SUMF1: variants seen among roughly 807,000 people sequenced by gnomAD.
The protein encoded by SUMF1 is formylglycine-generating enzyme.
SUMF1 carries 48 observed loss-of-function variants against 47.6 expected under a neutral mutation model. The ratio of observed to expected loss-of-function variants is 1.01; its 90% CI spans 0.80 to 1.28. The LOEUF is 1.28. Among genes scored for constraint, SUMF1 ranks in the 50% most tolerant of loss-of-function variants. The pLI, the probability that SUMF1 is intolerant of heterozygous loss-of-function variation, is 0.00. For missense variants in SUMF1, 571 were observed against 485.4 expected (o/e 1.18, Z -1.66); for synonymous variants, 230 against 192.1 (o/e 1.20, Z -1.63).
chr3:4,159,648 C>T (rs1559521552), intron 8 of SUMF1, among the ~76,000 whole-genome samples: 1 of 152,002 alleles, frequency 6.6e-6, no homozygotes, highest in East Asian at 1.9e-4. Flanking sequence ...AAGGTTTGTA[C>T]CTTCAGATGA....
At chr3:4,173,696 G>A (rs1694884699) in intron 8 of SUMF1, among the ~76,000 whole-genome samples, 1 of 152,134 alleles carries the variant, frequency 6.6e-6, no homozygotes, top group Admixed American at 6.5e-5. Context: ...ATACTATGCA[G>A]CCATAAGAAA....
chr3:4,300,337 T>C (rs1003094885), intron 8 of SUMF1, among the ~76,000 whole-genome samples: 4 of 152,202 alleles, frequency 2.6e-5, no homozygotes, highest in Non-Finnish European at 5.9e-5. Context: ...ATACTACCTG[T>C]ACAGCCTGCA....
Position 4,160,932 on chromosome 3 carries a change from C to A in SUMF1, c.1015-92187G>T, listed in dbSNP as rs149416829. ...GAAGAGTTATTTATTGTAGTCTTCA[C>A]AGTTTGGGCTTCACAGATGTACCCA... is the stretch of plus-strand genomic sequence containing the variant. On this transcript the variant is annotated intron_variant and NMD_transcript_variant, in intron 8 of 12. Coordinates refer to the SUMF1 transcript ENST00000448413. 1.6e-3 allele frequency among the ~76,000 whole-genome samples: 249 copies of A among 152,206 alleles called. 1 individual carries two copies. The Middle Eastern group carries it at 0.027, about 17-fold the overall frequency.
chr3:4,303,610 C>T (rs1417387394), intron 8 of SUMF1: 19 of 1,377,680 alleles, frequency 1.4e-5, no homozygotes, highest in Non-Finnish European at 1.7e-5. Context: ...GGGACGGCCT[C>T]CCAGTCGCGA....
chr3:4,416,277 T>C (rs1264367808), intron 6 of SUMF1, among the ~76,000 whole-genome samples: 1 of 152,118 alleles, frequency 6.6e-6, no homozygotes, highest in African/African-American at 2.4e-5. Context: ...CGTAGGTTAA[T>C]ATTTATGTAC....
intron 8 of SUMF1, among the ~76,000 whole-genome samples, chr3:4,163,937 G>A (rs1314866635): frequency 2.0e-5 from 3 of 152,086 alleles, no homozygotes; most frequent in South Asian, 2.1e-4. Context: ...AGCCTGTACT[G>A]AGAATCACCT....
intron 9 of SUMF1, among the ~76,000 whole-genome samples, chr3:4,046,330 A>T (rs536797695): frequency 1.8e-4 from 27 of 152,166 alleles, no homozygotes; most frequent in Middle Eastern, 3.4e-3. Context: ...TGATCACCAA[A>T]CTTTTCTTCT....
intron 8 of SUMF1, among the ~76,000 whole-genome samples, chr3:4,107,454 G>T (rs890275763): frequency 6.6e-6 from 1 of 152,124 alleles, no homozygotes; most frequent in Non-Finnish European, 1.5e-5. Context: ...TGACAAAGTT[G>T]AGACTGATAT....
intron 8 of SUMF1, among the ~76,000 whole-genome samples, chr3:4,132,329 T>A (rs1316530654): frequency 6.6e-6 from 1 of 152,082 alleles, no homozygotes; most frequent in African/African-American, 2.4e-5. Flanking sequence ...GGTCCTATCA[T>A]GTTCCCCATC....
intron 8 of SUMF1, among the ~76,000 whole-genome samples, chr3:4,100,341 C>T (rs189576236): frequency 6.6e-6 from 1 of 151,988 alleles, no homozygotes; most frequent in Non-Finnish European, 1.5e-5. Context: ...TAAAAACAGA[C>T]ACATCAACCA....
At chr3:4,305,144 G>A (rs1698139042) in intron 8 of SUMF1, among the ~76,000 whole-genome samples, 1 of 152,132 alleles carries the variant, frequency 6.6e-6, no homozygotes, top group Admixed American at 6.5e-5. Context: ...CTAGAGTGTG[G>A]TGGTGCGATC....
At chr3:4,036,343 G>A (rs371802659) in intron 9 of SUMF1, among the ~76,000 whole-genome samples, 1 of 152,064 alleles carries the variant, frequency 6.6e-6, no homozygotes, top group Non-Finnish European at 1.5e-5. Flanking sequence ...TTATTTTGAG[G>A]CTCTGCCTGG....
intron 1 of SUMF1, among the ~76,000 whole-genome samples, chr3:4,457,401 T>A (rs2079691992): frequency 6.6e-6 from 1 of 152,060 alleles, no homozygotes; most frequent in African/African-American, 2.4e-5. Context: ...AAAAAAATCC[T>A]AAAATTTGTA....
chr3:4,251,433 C>T (rs1696800081), intron 8 of SUMF1, among the ~76,000 whole-genome samples: 1 of 152,196 alleles, frequency 6.6e-6, no homozygotes, highest in Non-Finnish European at 1.5e-5. Flanking sequence ...TGTAATATTA[C>T]ATCAATTTAG....
chr3:4,072,133 A>G (rs1004384739), intron 8 of SUMF1, among the ~76,000 whole-genome samples: 3 of 152,140 alleles, frequency 2.0e-5, no homozygotes, highest in African/African-American at 7.2e-5. Flanking sequence ...AGCCTCCTTT[A>G]GTGATACCCA....
intron 8 of SUMF1, among the ~76,000 whole-genome samples, chr3:4,094,789 G>A (rs1393820031): frequency 1.3e-5 from 2 of 152,086 alleles, no homozygotes; most frequent in Non-Finnish European, 2.9e-5. Context: ...TAATGATACA[G>A]TTCTCCTTGG....
At position 4,168,074 on chromosome 3, in the gene SUMF1, C is replaced by A. The variant is rs115577707; in HGVS notation, c.1015-99329G>T. ...CTTGGGCACTTGGCACTGACCATTACCCAATACAGAGCCTCTATTTTCAGG... is the reference window on the plus strand; with the variant it reads ...CTTGGGCACTTGGCACTGACCATTAACCAATACAGAGCCTCTATTTTCAGG... On this transcript the variant is annotated intron_variant and NMD_transcript_variant, in intron 8 of 12. Transcript: ENST00000448413. Among the ~76,000 whole-genome samples the A allele has an allele frequency of 8.2e-3, 1,253 of 152,206 alleles. 23 individuals are homozygous for A. The highest frequency in any genetic ancestry group is 0.029 in the African/African-American group (1,201 of 41,506).
intron 8 of SUMF1, among the ~76,000 whole-genome samples, chr3:4,176,176 A>T (rs1005504242): frequency 2.0e-5 from 3 of 152,288 alleles, no homozygotes; most frequent in Admixed American, 6.5e-5. Context: ...CAAATTCAGG[A>T]AATACAGAGA....
chr3:4,379,509 C>A (rs1023387110), intron 7 of SUMF1, among the ~76,000 whole-genome samples: 1 of 152,158 alleles, frequency 6.6e-6, no homozygotes, highest in Non-Finnish European at 1.5e-5. Flanking sequence ...CAGCCAGCAC[C>A]TTGATTTCAG....
Sources: gnomAD v4.1 joint callset for allele counts (sites outside exome capture counted in the v4.1 genomes callset) on GRCh38, gnomAD v4.1.1 for gene constraint, MANE v1.5 for transcripts, NCBI Gene and HGNC (gene_info 2026-07-23, HGNC 2026-07-21) for gene names.